BPTF: variants seen among roughly 807,000 people sequenced by gnomAD.
BPTF encodes nucleosome-remodeling factor subunit BPTF.
BPTF carries 18 observed loss-of-function variants against 292.5 expected under a neutral mutation model. The ratio of observed to expected loss-of-function variants is 0.06; its 90% CI spans 0.04 to 0.09. BPTF has a LOEUF of 0.09. Ranked by LOEUF, BPTF falls within the 10% of genes least tolerant of loss-of-function variation. BPTF has a pLI of 1.00. For missense variants in BPTF, 2,726 were observed against 3,498.7 expected (o/e 0.78, Z 5.57); for synonymous variants, 1,225 against 1,251.9 (o/e 0.98, Z 0.45).
At chr17:67,883,053 C>T (rs555364356) in intron 4 of BPTF, among the ~76,000 whole-genome samples, 19 of 150,846 alleles carry the variant, frequency 1.3e-4, no homozygotes, top group East Asian at 3.9e-4. Context: ...TGGTGGCTCA[C>T]GCCTATAATC....
intron 4 of BPTF, among the ~76,000 whole-genome samples, chr17:67,880,044 C>A (rs183057279): frequency 6.6e-6 from 1 of 152,074 alleles, no homozygotes; most frequent in African/African-American, 2.4e-5. Context: ...TTTCTTTAAT[C>A]GCCTTTTTTT....
chr17:67,940,521 A>T lies in BPTF; in HGVS notation c.6342A>T (p.Ser2114=). Residue 2114 remains serine (S), a synonymous_variant, in exon 19 of 28, where the codon TCA becomes TCT. Coordinates refer to ENST00000306378, the MANE Select transcript of BPTF (RefSeq NM_182641.4). ...TAVSAPNTVS[S]TPGQKSLTSA... ...TCTCCGCCCCTAACACGGTTTCCTC[A>T]ACACCTGGGCAGAAAAGCTTAACTT... 6.2e-7 allele frequency: 1 copy of T among 1,614,094 alleles called. No individual in the cohort carries two copies. The highest frequency in any genetic ancestry group is 8.5e-7 in the Non-Finnish European group (1 of 1,180,022).
intron 7 of BPTF, among the ~76,000 whole-genome samples, chr17:67,897,670 G>C (rs1015885960): frequency 2.0e-5 from 3 of 152,134 alleles, no homozygotes; most frequent in African/African-American, 7.2e-5. Context: ...CACACTCTTA[G>C]GCAGGAAAAG....
At chr17:67,979,361 A>G (rs190179223) in intron 27 of BPTF, among the ~76,000 whole-genome samples, 166 of 152,218 alleles carry the variant, frequency 1.1e-3, no homozygotes, top group Non-Finnish European at 2.0e-3. Flanking sequence ...AGCCTGGCCA[A>G]CATGATGAAA....
intron 15 of BPTF, among the ~76,000 whole-genome samples, chr17:67,925,538 A>G (rs995848245): frequency 2.0e-5 from 3 of 152,156 alleles, no homozygotes; most frequent in Admixed American, 6.6e-5. Flanking sequence ...TAAAAATACA[A>G]TGTGCCATAT....
chr17:67,892,958 C>T (rs993178493), intron 5 of BPTF, among the ~76,000 whole-genome samples: 28 of 151,888 alleles, frequency 1.8e-4, no homozygotes, highest in Admixed American at 5.9e-4. Context: ...TAAAAGGACC[C>T]GAAAGGATGT....
chr17:67,835,287 T>A (rs1433121361), intron 1 of BPTF, among the ~76,000 whole-genome samples: 4 of 152,194 alleles, frequency 2.6e-5, no homozygotes, highest in Non-Finnish European at 1.5e-5. Flanking sequence ...TTTCAAGTGC[T>A]CTATAGCCAC....
intron 3 of BPTF, among the ~76,000 whole-genome samples, chr17:67,868,665 C>G (rs1191508908): frequency 6.6e-6 from 1 of 152,204 alleles, no homozygotes; most frequent in African/African-American, 2.4e-5. Context: ...TTCTGCTCTT[C>G]TGCATACATT....
chr17:67,866,519 G>T lies in BPTF; in HGVS notation c.1492G>T (p.Val498Phe). 1 of 1,614,026 alleles carries T rather than the reference G, an allele frequency of 6.2e-7. No individual in the cohort carries two copies. Among genetic ancestry groups the T allele is most frequent in the African/African-American group, 1.3e-5 (1 of 75,002 alleles). Residue 498 changes from valine to phenylalanine, a missense_variant, in exon 3 of 28, where the codon GTC becomes TTC. By Grantham distance (50) the Val-to-Phe change is conservative (BLOSUM62 -1). Transcript: ENST00000306378. ...EKKIWYYSTK[V>F]QLAELIDCLD... ...GAAAATTTGGTATTACAGCACAAAG[G>T]TCCAACTTGCAGAATTAATTGACTG...
intron 1 of BPTF, among the ~76,000 whole-genome samples, chr17:67,840,157 C>G (rs888731864): frequency 6.7e-6 from 1 of 149,514 alleles, no homozygotes; most frequent in Admixed American, 6.7e-5. Flanking sequence ...GGCTGGAGAG[C>G]AATGGCACAG....
chr17:67,923,486 T>C (rs2063606046), intron 14 of BPTF, among the ~76,000 whole-genome samples: 1 of 132,464 alleles, frequency 7.5e-6, no homozygotes, highest in African/African-American at 2.8e-5. Context: ...TTTTTTTTTT[T>C]TTTTTTTTTT....
intron 3 of BPTF, among the ~76,000 whole-genome samples, chr17:67,872,899 T>C (rs1189222266): frequency 6.6e-6 from 1 of 151,830 alleles, no homozygotes; most frequent in Non-Finnish European, 1.5e-5. Flanking sequence ...CTGGGCAACA[T>C]AGTGAGACTC....
At chr17:67,971,827 CAAA>C (rs575119720) in intron 26 of BPTF, among the ~76,000 whole-genome samples, 5 of 83,376 alleles carry the variant, frequency 6.0e-5, no homozygotes, top group Non-Finnish European at 9.8e-5. Context: ...GACTCCATCT[CAAA>C]AAAAAAAAAA....
At chr17:67,881,766 G>A (rs955166385) in intron 4 of BPTF, among the ~76,000 whole-genome samples, 1 of 151,172 alleles carries the variant, frequency 6.6e-6, no homozygotes, top group South Asian at 2.1e-4. Flanking sequence ...CTCCCAAAGT[G>A]CTGAGACTGC....
intron 7 of BPTF, among the ~76,000 whole-genome samples, chr17:67,900,533 CAG>C (rs141871726): frequency 0.049 from 7,254 of 149,338 alleles, 219 homozygotes; most frequent in South Asian, 0.13. Context: ...AGTTCAAGAC[CAG>C]CCTGGGCAAC....
At chr17:67,924,118 G>T (rs2063669198) in intron 14 of BPTF, among the ~76,000 whole-genome samples, 1 of 152,076 alleles carries the variant, frequency 6.6e-6, no homozygotes, top group Non-Finnish European at 1.5e-5. Context: ...CCTGCCTCAG[G>T]CAGGTGGCCA....
chr17:67,892,762 C>G (rs2061204854), intron 5 of BPTF, among the ~76,000 whole-genome samples: 1 of 152,126 alleles, frequency 6.6e-6, no homozygotes, highest in Non-Finnish European at 1.5e-5. Context: ...TTCTGAAATA[C>G]TATTTTACTT....
At chr17:67,845,273 A>G (rs1443436276) in intron 1 of BPTF, among the ~76,000 whole-genome samples, 2 of 152,208 alleles carry the variant, frequency 1.3e-5, no homozygotes, top group African/African-American at 2.4e-5. Flanking sequence ...AGAATATCCT[A>G]TTGCCCAACA....
At chr17:67,973,297 C>T (rs1226981289) in intron 26 of BPTF, among the ~76,000 whole-genome samples, 1 of 150,196 alleles carries the variant, frequency 6.7e-6, no homozygotes, top group Admixed American at 6.6e-5. Flanking sequence ...TGGCCTGAAC[C>T]CGGGAGGTGG....
Sources: allele counts gnomAD v4.1 joint callset (sites outside exome capture counted in the v4.1 genomes callset), GRCh38; gene constraint gnomAD v4.1.1; transcripts MANE v1.5; gene names NCBI Gene and HGNC (gene_info 2026-07-23, HGNC 2026-07-21).